SMYD3: variants seen among roughly 807,000 people sequenced by gnomAD.
The protein encoded by SMYD3 is histone-lysine N-methyltransferase SMYD3.
Under a neutral mutation model 57.7 loss-of-function variants are expected in SMYD3, and 36 were observed. The observed-to-expected ratio is 0.62, with a 90% CI of 0.48 to 0.82. The LOEUF is 0.82. SMYD3 is among the 40% of genes least tolerant of loss of function. The probability of loss-of-function intolerance (pLI) is 0.00; values close to 1 mark genes in which losing one functional copy is unlikely to be tolerated. For missense variants in SMYD3, 515 were observed against 538.8 expected (o/e 0.96, Z 0.44); for synonymous variants, 211 against 195.0 (o/e 1.08, Z -0.68).
At position 246,158,034 on chromosome 1, in the gene SMYD3, G is replaced by C. The variant is rs190279772; in HGVS notation, c.531+169167C>G. Among the ~76,000 whole-genome samples, 8 of 152,304 alleles carry C rather than the reference G, an allele frequency of 5.3e-5. No homozygotes were observed. The East Asian group carries it at 1.5e-3, about 29-fold the overall frequency. ...GCAGGTGCAAACTGAGAGGTAAACA[G>C]ACCTTTAAATAAGTAAAGAGCCAGG... On this transcript the variant is annotated intron_variant, in intron 5 of 11. Coordinates refer to ENST00000490107, the MANE Select transcript of SMYD3 (RefSeq NM_001167740.2).
At chr1:245,953,985 C>G (rs1558529658) in intron 5 of SMYD3, among the ~76,000 whole-genome samples, 1 of 152,132 alleles carries the variant, frequency 6.6e-6, no homozygotes, top group Non-Finnish European at 1.5e-5. Flanking sequence ...TTGTTTAAAT[C>G]TGATAATCCT....
intron 10 of SMYD3, among the ~76,000 whole-genome samples, chr1:245,846,422 C>T (rs1016087974): frequency 3.9e-5 from 6 of 152,144 alleles, no homozygotes; most frequent in Non-Finnish European, 2.9e-5. Context: ...GTGGAAAGAC[C>T]ACTAGAGCCC....
intron 5 of SMYD3, among the ~76,000 whole-genome samples, chr1:245,937,651 C>T (rs983564869): frequency 2.6e-5 from 4 of 152,224 alleles, no homozygotes; most frequent in African/African-American, 9.6e-5. Flanking sequence ...TCCATAGCTC[C>T]ACGGTCACAT....
At chr1:246,269,686 A>G (rs1265625305) in intron 5 of SMYD3, among the ~76,000 whole-genome samples, 1 of 151,608 alleles carries the variant, frequency 6.6e-6, no homozygotes, top group Non-Finnish European at 1.5e-5. Context: ...CTCCCACCTC[A>G]GCCGTAAGCA....
Position 246,321,383 on chromosome 1 carries a change from A to T in SMYD3, c.531+5818T>A, listed in dbSNP as rs182079783. ...AGTTGATCCTCCTTGAAATCTATGA[A>T]GTAGATATTAGTATTTCCATTTACA... On this transcript the variant is annotated intron_variant, in intron 5 of 11. Transcript: ENST00000490107. Among the ~76,000 whole-genome samples the T allele has an allele frequency of 5.9e-5, 9 of 152,344 alleles. No individual in the cohort carries two copies. The East Asian group carries it at 1.7e-3, about 29-fold the overall frequency.
intron 5 of SMYD3, among the ~76,000 whole-genome samples, chr1:246,276,098 A>C (rs2064325759): frequency 8.5e-6 from 1 of 118,312 alleles, no homozygotes. Flanking sequence ...TTGAATACTA[A>C]CTCTGTTTTT....
At chr1:246,259,163 T>C (rs749294501) in intron 5 of SMYD3, among the ~76,000 whole-genome samples, 15 of 152,348 alleles carry the variant, frequency 9.8e-5, no homozygotes, top group Middle Eastern at 3.4e-3. Context: ...TGGATCTCAT[T>C]GAGCTTCCTT....
intron 5 of SMYD3, among the ~76,000 whole-genome samples, chr1:245,979,740 A>T (rs975874247): frequency 6.6e-6 from 1 of 152,200 alleles, no homozygotes; most frequent in Non-Finnish European, 1.5e-5. Flanking sequence ...TTAAGAATCG[A>T]ATACAGCATC....
chr1:246,249,755 C>A (rs921477059), intron 5 of SMYD3, among the ~76,000 whole-genome samples: 4 of 152,174 alleles, frequency 2.6e-5, no homozygotes, highest in African/African-American at 9.6e-5. Flanking sequence ...CTAATAAGAT[C>A]AGGTCACGTT....
chr1:245,917,379 C>T (rs745902738), intron 7 of SMYD3, among the ~76,000 whole-genome samples: 11 of 152,160 alleles, frequency 7.2e-5, no homozygotes, highest in Non-Finnish European at 1.3e-4. Flanking sequence ...TACTGGTCTG[C>T]AATAGATTAT....
At chr1:245,866,481 C>T (rs2051854197) in intron 8 of SMYD3, among the ~76,000 whole-genome samples, 1 of 152,070 alleles carries the variant, frequency 6.6e-6, no homozygotes, top group African/African-American at 2.4e-5. Flanking sequence ...CCTGTAATCC[C>T]ACCACTTTGG....
chr1:245,768,469 T>A (rs898577164), intron 10 of SMYD3, among the ~76,000 whole-genome samples: 3 of 152,236 alleles, frequency 2.0e-5, no homozygotes, highest in African/African-American at 7.2e-5. Context: ...TCTCTATTGG[T>A]CCTACGTGAC....
At chr1:246,296,879 T>G (rs1472006350) in intron 5 of SMYD3, among the ~76,000 whole-genome samples, 1 of 152,216 alleles carries the variant, frequency 6.6e-6, no homozygotes, top group Non-Finnish European at 1.5e-5. Context: ...TTTGTTGAGA[T>G]AGCGTTCTTA....
At chr1:246,187,052 G>A (rs555548389) in intron 5 of SMYD3, 3 of 448,810 alleles carry the variant, frequency 6.7e-6, no homozygotes, top group East Asian at 1.6e-4. Context: ...TGCTGATGGA[G>A]CTCAACTCTG....
chr1:246,411,566 G>C (rs2066969218), intron 1 of SMYD3, among the ~76,000 whole-genome samples: 1 of 152,142 alleles, frequency 6.6e-6, no homozygotes, highest in African/African-American at 2.4e-5. Flanking sequence ...CAAAGACTTG[G>C]AACGAAGCCA....
At chr1:246,270,930 C>T (rs748617270) in intron 5 of SMYD3, among the ~76,000 whole-genome samples, 1 of 152,164 alleles carries the variant, frequency 6.6e-6, no homozygotes, top group Non-Finnish European at 1.5e-5. Flanking sequence ...TTTACACGTC[C>T]ACGCAGTGCA....
chr1:246,294,087 A>C (rs2148599925), intron 5 of SMYD3, among the ~76,000 whole-genome samples: 2 of 151,926 alleles, frequency 1.3e-5, no homozygotes, highest in African/African-American at 4.8e-5. Flanking sequence ...TTGCCCCTTA[A>C]ATGTTCCTGT....
At chr1:246,126,146 A>G (rs1049848819) in intron 5 of SMYD3, among the ~76,000 whole-genome samples, 1 of 152,240 alleles carries the variant, frequency 6.6e-6, no homozygotes, top group Non-Finnish European at 1.5e-5. Context: ...GCAACACAGC[A>G]CTGCAGCTTG....
chr1:246,393,005 GAAGA>G (rs1416597023), intron 1 of SMYD3, among the ~76,000 whole-genome samples: 2 of 152,108 alleles, frequency 1.3e-5, no homozygotes, highest in African/African-American at 4.8e-5. Flanking sequence ...ACAAAAATGA[GAAGA>G]AAGATCCCTC....
Sources: gnomAD v4.1 joint callset for allele counts (sites outside exome capture counted in the v4.1 genomes callset) on GRCh38, gnomAD v4.1.1 for gene constraint, MANE v1.5 for transcripts, NCBI Gene and HGNC (gene_info 2026-07-23, HGNC 2026-07-21) for gene names.